The following ITGB2 variants were observed in gnomAD, a reference collection of about 807,000 sequenced individuals.
ITGB2 encodes the protein integrin beta-2.
In ITGB2, 56 loss-of-function variants were observed where a neutral mutation model predicts 86.8. That is an observed-to-expected ratio of 0.65 (90% CI 0.52 to 0.81). The LOEUF (loss-of-function observed/expected upper bound fraction) is 0.81. Among genes scored for constraint, ITGB2 ranks in the 30% least tolerant of loss-of-function variants. ITGB2 has a pLI of 0.00. For missense variants in ITGB2, 948 were observed against 1,061.2 expected (o/e 0.89, Z 1.48); for synonymous variants, 457 against 450.4 (o/e 1.01, Z -0.19).
chr21:44,904,297 CAG>C (rs749852532), intron 4 of ITGB2, among the ~76,000 whole-genome samples: 49 of 150,886 alleles, frequency 3.2e-4, no homozygotes, highest in Non-Finnish European at 5.9e-4. Context: ...CCCCTCCTCA[CAG>C]ACACACACAC....
At position 44,910,315 on chromosome 21, in the gene ITGB2, G is replaced by T; in HGVS notation, c.116C>A (p.Ser39Ter). 1 of 1,614,112 alleles carries T rather than the reference G, an allele frequency of 6.2e-7. No homozygotes were observed. The highest frequency in any genetic ancestry group is 1.7e-5 in the Admixed American group (1 of 60,020). ...KVSSCRECIE[S>*]GPGCTWCQKL... is the part of the protein sequence containing the mutation. ...CTGGCACCAGGTGCAGCCGGGCCCC[G>T]ACTCGATGCATTCCCGGCAGCTGCT... Residue 39 changes from serine to a stop codon, truncating the protein, a stop_gained, in exon 3 of 16, where the codon TCG (serine) becomes TAG (stop). Transcript: ENST00000652462. LOFTEE classifies it high-confidence loss of function.
chr21:44,919,141 G>T (rs1471222154), intron 1 of ITGB2, among the ~76,000 whole-genome samples: 4 of 152,190 alleles, frequency 2.6e-5, no homozygotes, highest in Non-Finnish European at 5.9e-5. Context: ...TTCACCGAGG[G>T]CCACAGCCCC....
chr21:44,886,552 C>T (rs369618800), intron 15 of ITGB2, 122 bp from the exon 16 acceptor site: 4 of 1,385,180 alleles, frequency 2.9e-6, no homozygotes, highest in Admixed American at 1.7e-5. Context: ...CGTGGGGCAG[C>T]CCCCCCAGGG....
At chr21:44,917,735 A>C (rs1647691854) in intron 1 of ITGB2, among the ~76,000 whole-genome samples, 1 of 151,770 alleles carries the variant, frequency 6.6e-6, no homozygotes. Context: ...CCCAACACCT[A>C]CCCCAAGTTT....
chr21:44,893,468 C>T lies in ITGB2; in HGVS notation c.1160G>A (p.Ser387Asn). ...CTGGTTCCTGTGCGTCACTCCATTG[C>T]TGCAGAAGGAGTCGTAGGTGACTTT... ...TLKVTYDSFCSNGVTHRNQPR... is the reference protein window; with the variant it reads ...TLKVTYDSFCNNGVTHRNQPR... Residue 387 changes from serine to asparagine, a missense_variant, in exon 10 of 16, where the codon AGC becomes AAC. Physicochemically the swap from Ser to Asn is conservative, Grantham distance 46. Transcript: ENST00000652462. 1.2e-6 allele frequency: 2 copies of T among 1,614,166 alleles called. No individual in the cohort carries two copies. Among genetic ancestry groups the T allele is most frequent in the South Asian group, 2.2e-5 (2 of 91,078 alleles).
rs73374592 is a variant in ITGB2, at chr21:44,899,334, G to A, written c.898-172C>T. Among the ~76,000 whole-genome samples, 558 of 152,342 alleles carry A rather than the reference G, an allele frequency of 3.7e-3. 3 individuals carry two copies. Among genetic ancestry groups the A allele is most frequent in the African/African-American group, 0.012 (517 of 41,582 alleles). The stretch of plus-strand genomic sequence containing the variant: ...GGAGTGCAGGGCAGAGAGCTGCCAC[G>A]CCCTCTGGGCAATGTGTGCATAGAC... On this transcript the variant is annotated intron_variant, in intron 7 of 15. Transcript: ENST00000652462.
intron 5 of ITGB2, among the ~76,000 whole-genome samples, chr21:44,902,471 A>G (rs1331002643): frequency 8.4e-5 from 12 of 142,266 alleles, no homozygotes; most frequent in African/African-American, 3.2e-4. Context: ...GTGTGAGCAT[A>G]CATTCACATG....
At chr21:44,888,580 G>T in intron 14 of ITGB2, 113 bp downstream of exon 14, 3 of 1,246,062 alleles carry the variant, frequency 2.4e-6, no homozygotes, top group Middle Eastern at 2.5e-4. Flanking sequence ...CATCCACCCT[G>T]CTGGGCCCAC....
At chr21:44,889,249 C>T (rs767654836) in intron 13 of ITGB2, 27 bp downstream of exon 13, 14 of 1,607,552 alleles carry the variant, frequency 8.7e-6, no homozygotes, top group African/African-American at 1.3e-5. Context: ...GATCCCTGCC[C>T]GCCCTGCCTG....
intron 8 of ITGB2, among the ~76,000 whole-genome samples, chr21:44,898,147 G>GGGC (rs2083895561): frequency 6.6e-6 from 1 of 152,198 alleles, no homozygotes; most frequent in Non-Finnish European, 1.5e-5. Flanking sequence ...GACCTCTGGA[G>GGGC]GGCTAGAGAC....
chr21:44,926,581 A>G (rs1284231242), intron 1 of ITGB2, among the ~76,000 whole-genome samples: 2 of 152,186 alleles, frequency 1.3e-5, no homozygotes, highest in Admixed American at 6.5e-5. Flanking sequence ...GTTGATCCCA[A>G]GCTAGGACTG....
intron 1 of ITGB2, chr21:44,911,236 C>A (rs555205230): frequency 3.0e-4 from 83 of 272,454 alleles, no homozygotes; most frequent in Admixed American, 9.1e-4. Context: ...CCATACTCCC[C>A]GCAAGACACT....
upstream of ITGB2, among the ~76,000 whole-genome samples, chr21:44,925,353 A>T (rs1368848052): frequency 1.3e-5 from 2 of 149,632 alleles, no homozygotes; most frequent in Admixed American, 6.7e-5. Context: ...ACACCACTGC[A>T]CTCCAGCCTG....
rs577637143 is a variant in ITGB2 at position 44,908,191 on chromosome 21, C to T, written c.148-1096G>A. On this transcript the variant is annotated intron_variant, in intron 3 of 15. Coordinates refer to ENST00000652462, the MANE Select transcript of ITGB2 (RefSeq NM_000211.5). ...GGACCCAAAGCCGCTCCCTGTGGGA[C>T]GCAAAATTGAGAAATGAGGAAGCTG... 441 of 711,336 alleles carry T rather than the reference C, an allele frequency of 6.2e-4. 3 individuals carry two copies. In the South Asian group the frequency reaches 6.2e-3, roughly 10 times the overall value. The allele number at this position is 711,336 out of a possible 1,614,324, so 44.1% of individuals were successfully genotyped here.
intron 15 of ITGB2, 107 bp from the exon 16 acceptor site, chr21:44,886,537 C>A: frequency 7.0e-7 from 1 of 1,434,108 alleles, no homozygotes; most frequent in Non-Finnish European, 9.8e-7. Flanking sequence ...TGAGGAAGAG[C>A]TAGACGTGGG....
intron 1 of ITGB2, among the ~76,000 whole-genome samples, chr21:44,911,816 G>A (rs942669614): frequency 3.9e-5 from 6 of 152,148 alleles, no homozygotes; most frequent in Non-Finnish European, 8.8e-5. Flanking sequence ...ACCTCCTAGC[G>A]GGCAGCAGGG....
intron 1 of ITGB2, among the ~76,000 whole-genome samples, chr21:44,915,362 G>A (rs945501913): frequency 6.6e-6 from 1 of 152,090 alleles, no homozygotes; most frequent in Admixed American, 6.5e-5. Flanking sequence ...ACCCTAAGAC[G>A]AGACTGCTTG....
intron 11 of ITGB2, 51 bp from the exon 12 acceptor site, chr21:44,890,273 AAGGGACAGCCGCCCTGTCCTCC>A: frequency 6.2e-7 from 1 of 1,609,560 alleles, no homozygotes; most frequent in South Asian, 1.1e-5. Flanking sequence ...GATGTGGGAC[AAGGGACAGCCGCCCTGTCCTCC>A]AGGCCCCTTG....
At chr21:44,895,888 A>AAAT (rs1555855781) in intron 8 of ITGB2, among the ~76,000 whole-genome samples, 10,498 of 132,298 alleles carry the variant, frequency 0.079, 526 homozygotes, top group Middle Eastern at 0.17. Flanking sequence ...AAAAATAAAT[A>AAAT]AAATAAAATA....
Sources: allele counts gnomAD v4.1 joint callset (sites outside exome capture counted in the v4.1 genomes callset), GRCh38; gene constraint gnomAD v4.1.1; transcripts MANE v1.5; gene names NCBI Gene and HGNC (gene_info 2026-07-23, HGNC 2026-07-21).